The following GPC5 variants were observed in gnomAD, a reference collection of about 807,000 sequenced individuals.
The protein encoded by GPC5 is glypican-5.
In GPC5, 47 loss-of-function variants were observed where a neutral mutation model predicts 53.9. That is an observed-to-expected ratio of 0.87 (90% CI 0.69 to 1.11). The LOEUF is 1.11. Among genes scored for constraint, GPC5 ranks in the 50% most tolerant of loss-of-function variants. GPC5 has a pLI of 0.00. For synonymous variants in GPC5, 286 were observed against 263.3 expected, an observed-to-expected ratio of 1.09 and a Z score of -0.84; for missense variants, 748 against 713.1, an observed-to-expected ratio of 1.05 and a Z score of -0.56.
chr13:92,373,184 G>C (rs928530367), intron 7 of GPC5, among the ~76,000 whole-genome samples: 1 of 152,076 alleles, frequency 6.6e-6, no homozygotes, highest in Non-Finnish European at 1.5e-5. Flanking sequence ...AACACAATTG[G>C]CTAGGTCAAC....
chr13:92,146,856 T>C (rs1297107472), intron 7 of GPC5, among the ~76,000 whole-genome samples: 2 of 152,100 alleles, frequency 1.3e-5, no homozygotes, highest in African/African-American at 4.8e-5. Context: ...CCTTTATGGC[T>C]GAATAGTATT....
intron 7 of GPC5, among the ~76,000 whole-genome samples, chr13:92,157,156 A>G (rs1217211311): frequency 6.6e-6 from 1 of 152,190 alleles, no homozygotes; most frequent in East Asian, 1.9e-4. Context: ...ATATCCTCAG[A>G]GTTTTTAATT....
At chr13:92,023,014 C>T (rs182294113) in intron 6 of GPC5, among the ~76,000 whole-genome samples, 112 of 151,974 alleles carry the variant, frequency 7.4e-4, no homozygotes, top group Admixed American at 1.9e-3. Flanking sequence ...GTTAATATTA[C>T]GATTAATAAA....
At chr13:91,782,738 A>G (rs1373451847) in intron 5 of GPC5, among the ~76,000 whole-genome samples, 6 of 152,168 alleles carry the variant, frequency 3.9e-5, no homozygotes, top group South Asian at 2.1e-4. Flanking sequence ...CCTATGAAAT[A>G]GGTGTATTTT....
At chr13:92,738,180 C>T (rs2139307233) in intron 7 of GPC5, among the ~76,000 whole-genome samples, 1 of 152,040 alleles carries the variant, frequency 6.6e-6, no homozygotes, top group East Asian at 1.9e-4. Context: ...ATGTTTTTAC[C>T]ATATATATCT....
intron 7 of GPC5, among the ~76,000 whole-genome samples, chr13:92,224,682 T>C (rs2042472175): frequency 6.6e-6 from 1 of 152,234 alleles, no homozygotes; most frequent in Non-Finnish European, 1.5e-5. Context: ...GGTGTCTAAA[T>C]GACAGTTCCA....
At chr13:92,201,134 T>A (rs998579288) in intron 7 of GPC5, among the ~76,000 whole-genome samples, 7 of 152,220 alleles carry the variant, frequency 4.6e-5, no homozygotes, top group Admixed American at 2.0e-4. Context: ...GATCTGATAT[T>A]GTTTAGGTTA....
At chr13:91,818,778 A>G (rs1393861559) in intron 5 of GPC5, among the ~76,000 whole-genome samples, 2 of 152,342 alleles carry the variant, frequency 1.3e-5, no homozygotes, top group Admixed American at 1.3e-4. Context: ...AACAAGACAA[A>G]GCCAGCATTA....
intron 7 of GPC5, among the ~76,000 whole-genome samples, chr13:92,174,887 T>C (rs971141023): frequency 6.6e-6 from 1 of 152,236 alleles, no homozygotes; most frequent in Admixed American, 6.5e-5. Context: ...TTCGCTCTTA[T>C]AGCCCAGGCT....
intron 6 of GPC5, among the ~76,000 whole-genome samples, chr13:92,026,901 A>G (rs2040805624): frequency 6.6e-6 from 1 of 152,114 alleles, no homozygotes; most frequent in Non-Finnish European, 1.5e-5. Flanking sequence ...GTGTCAAGTG[A>G]TTTGTTTTGA....
Position 91,722,840 on chromosome 13 carries a change from C to A in GPC5, c.1021-5692C>A, listed in dbSNP as rs1267122219. ...TGCCAAGCAGAGATAGTATGTGTTT[C>A]CTCTCTTACTTAACCTTAACATTAC... On this transcript the variant is annotated intron_variant, in intron 3 of 7. Coordinates refer to ENST00000377067, the MANE Select transcript of GPC5 (RefSeq NM_004466.6). Among the ~76,000 whole-genome samples, 3 of 152,136 alleles carry A rather than the reference C, an allele frequency of 2.0e-5. No homozygotes were observed. In the East Asian group the frequency reaches 5.8e-4, roughly 29 times the overall value.
intron 6 of GPC5, among the ~76,000 whole-genome samples, chr13:91,917,045 A>T (rs1011483948): frequency 3.9e-5 from 6 of 152,194 alleles, no homozygotes; most frequent in Non-Finnish European, 8.8e-5. Flanking sequence ...ATTTTAACTA[A>T]TTCTAGCATT....
intron 2 of GPC5, among the ~76,000 whole-genome samples, chr13:91,527,719 T>C (rs1207619333): frequency 1.3e-5 from 2 of 152,224 alleles, no homozygotes; most frequent in Admixed American, 1.3e-4. Context: ...CAGACTTCTG[T>C]CTGGACATCC....
chr13:92,563,308 G>A (rs1342695602), intron 7 of GPC5, among the ~76,000 whole-genome samples: 2 of 151,926 alleles, frequency 1.3e-5, no homozygotes, highest in Non-Finnish European at 1.5e-5. Flanking sequence ...AGCTATTTTT[G>A]TGTTAATTGT....
At chr13:91,821,230 T>C (rs748035235) in intron 5 of GPC5, among the ~76,000 whole-genome samples, 8 of 152,218 alleles carry the variant, frequency 5.3e-5, no homozygotes, top group African/African-American at 1.9e-4. Flanking sequence ...TCTAAATTGA[T>C]ATTCACTGTT....
chr13:91,984,797 G>A (rs2040391759), intron 6 of GPC5, among the ~76,000 whole-genome samples: 1 of 151,836 alleles, frequency 6.6e-6, no homozygotes, highest in Admixed American at 6.6e-5. Flanking sequence ...TATTTATCTT[G>A]GCAGTACTGA....
At chr13:91,617,089 T>A (rs2139341962) in intron 2 of GPC5, among the ~76,000 whole-genome samples, 1 of 152,310 alleles carries the variant, frequency 6.6e-6, no homozygotes, top group African/African-American at 2.4e-5. Context: ...GTTATTGATT[T>A]GTTTACCAAA....
rs575154002 is a variant in GPC5 at position 92,401,249 on chromosome 13, C to T, written c.1561+256260C>T. ...TGGTCTTCTCCATAATACTTAAGTT[C>T]TTTATGGAAATGATAGAAGTCTTTA... On this transcript the variant is annotated intron_variant, in intron 7 of 7. Transcript: ENST00000377067. Among the ~76,000 whole-genome samples the T allele has an allele frequency of 4.7e-5, 7 of 149,966 alleles. No homozygotes were observed. The South Asian group carries it at 1.5e-3, about 31-fold the overall frequency.
At chr13:91,528,629 A>G (rs193075467) in intron 2 of GPC5, among the ~76,000 whole-genome samples, 3 of 152,306 alleles carry the variant, frequency 2.0e-5, no homozygotes, top group Admixed American at 6.5e-5. Flanking sequence ...TTTTCATGTT[A>G]TCTTTATAGC....
Sources: gnomAD v4.1 joint callset for allele counts (sites outside exome capture counted in the v4.1 genomes callset) on GRCh38, gnomAD v4.1.1 for gene constraint, MANE v1.5 for transcripts, NCBI Gene and HGNC (gene_info 2026-07-23, HGNC 2026-07-21) for gene names.